The following CENPP variants were observed in gnomAD, a reference collection of about 807,000 sequenced individuals.
CENPP encodes the protein centromere protein P.
Under a neutral mutation model 35.6 loss-of-function variants are expected in CENPP, and 24 were observed. The ratio of observed to expected loss-of-function variants is 0.67; its 90% CI spans 0.49 to 0.95. The LOEUF is 0.95. Ranked by LOEUF, CENPP falls within the 40% of genes least tolerant of loss-of-function variation. The pLI, the probability that CENPP is intolerant of heterozygous loss-of-function variation, is 0.00. For missense variants in CENPP, 332 were observed against 345.3 expected (o/e 0.96, Z 0.31); for synonymous variants, 120 against 125.5 (o/e 0.96, Z 0.29).
chr9:92,547,292 C>G (rs904656698), intron 5 of CENPP, among the ~76,000 whole-genome samples: 3 of 152,228 alleles, frequency 2.0e-5, no homozygotes, highest in African/African-American at 7.2e-5. Context: ...CATGCTTCAA[C>G]TACTAGCTGT....
intron 5 of CENPP, among the ~76,000 whole-genome samples, chr9:92,575,551 C>T (rs1339157588): frequency 1.3e-5 from 2 of 152,132 alleles, no homozygotes; most frequent in African/African-American, 2.4e-5. Context: ...CGGTGGCTCA[C>T]GCCTGTAATC....
intron 5 of CENPP, among the ~76,000 whole-genome samples, chr9:92,410,057 C>T (rs1171480507): frequency 1.3e-5 from 2 of 152,158 alleles, no homozygotes; most frequent in Non-Finnish European, 2.9e-5. Context: ...CTGCTTCAGC[C>T]TCCCAAGTAG....
chr9:92,452,930 G>C (rs1844756396), intron 5 of CENPP, among the ~76,000 whole-genome samples: 1 of 152,030 alleles, frequency 6.6e-6, no homozygotes, highest in Non-Finnish European at 1.5e-5. Context: ...GTATTTCTGT[G>C]GGATCGGTGG....
rs141075013 is a variant in CENPP at position 92,589,454 on chromosome 9, A to T, written c.565-21860A>T. ...AAAATTTGTGTAAGATAAGACCTGCAGGGAAAAAAAAAAATCCAAACCATG... is the reference window on the plus strand; with the variant it reads ...AAAATTTGTGTAAGATAAGACCTGCTGGGAAAAAAAAAAATCCAAACCATG... On this transcript the variant is annotated intron_variant, in intron 5 of 7. Coordinates refer to ENST00000375587, the MANE Select transcript of CENPP (RefSeq NM_001012267.3). Among the ~76,000 whole-genome samples, 896 of 152,208 alleles carry T rather than the reference A, an allele frequency of 5.9e-3. 7 individuals are homozygous for T. The highest frequency in any genetic ancestry group is 0.01 in the Non-Finnish European group (685 of 68,004).
intron 5 of CENPP, among the ~76,000 whole-genome samples, chr9:92,581,117 T>C (rs1380036936): frequency 6.6e-6 from 1 of 152,142 alleles, no homozygotes; most frequent in African/African-American, 2.4e-5. Context: ...CGGTTTTGAG[T>C]GAGATTCTTA....
chr9:92,497,631 A>T (rs1229694752), intron 5 of CENPP, among the ~76,000 whole-genome samples: 3 of 151,888 alleles, frequency 2.0e-5, no homozygotes, highest in Non-Finnish European at 4.4e-5. Context: ...TCTCAAAAAA[A>T]AAAAAAGAAA....
intron 3 of CENPP, among the ~76,000 whole-genome samples, chr9:92,344,830 G>A (rs1339572540): frequency 6.6e-6 from 1 of 150,928 alleles, no homozygotes; most frequent in Non-Finnish European, 1.5e-5. Context: ...TTACAGGCGT[G>A]AGCCACCGCG....
chr9:92,422,362 G>A (rs1377892087), intron 5 of CENPP, among the ~76,000 whole-genome samples: 1 of 152,100 alleles, frequency 6.6e-6, no homozygotes, highest in African/African-American at 2.4e-5. Context: ...TGAAAACTCA[G>A]CTTGAATTTT....
At chr9:92,546,346 T>TGTGGAAGCA (rs1183331816) in intron 5 of CENPP, among the ~76,000 whole-genome samples, 3 of 152,174 alleles carry the variant, frequency 2.0e-5, no homozygotes, top group Non-Finnish European at 2.9e-5. Context: ...CCTTCCACTG[T>TGTGGAAGCA]GTGGAAGCTT....
chr9:92,334,567 A>C (rs1394784850), intron 2 of CENPP, among the ~76,000 whole-genome samples: 1 of 152,050 alleles, frequency 6.6e-6, no homozygotes, highest in Admixed American at 6.6e-5. Context: ...TTAAAAATGC[A>C]CCCTTACTCA....
intron 5 of CENPP, among the ~76,000 whole-genome samples, chr9:92,470,104 T>G (rs1037140677): frequency 6.6e-6 from 1 of 152,156 alleles, no homozygotes; most frequent in Non-Finnish European, 1.5e-5. Flanking sequence ...GCTGGGATTA[T>G]AGGCATGAGC....
At chr9:92,428,412 G>A (rs6479422) in intron 5 of CENPP, among the ~76,000 whole-genome samples, 1 of 151,936 alleles carries the variant, frequency 6.6e-6, no homozygotes, top group Non-Finnish European at 1.5e-5. Flanking sequence ...GAACCTCTGA[G>A]CATGGGCCCA....
At chr9:92,347,467 A>G (rs1841324129) in intron 4 of CENPP, among the ~76,000 whole-genome samples, 1 of 152,250 alleles carries the variant, frequency 6.6e-6, no homozygotes. Context: ...TGCTGAACAT[A>G]GGTCAGAAGA....
intron 5 of CENPP, among the ~76,000 whole-genome samples, chr9:92,533,328 A>AAAAAAAAAAAAAAAAAAAAAAATATATAT (rs1554683138): frequency 2.6e-5 from 1 of 38,332 alleles, no homozygotes; most frequent in Non-Finnish European, 4.3e-5. Flanking sequence ...AAAAAAAAAA[A>AAAAAAAAAAAAAAAAAAAAAAATATATAT]ATATATATAT....
chr9:92,590,218 T>C (rs764922338), intron 5 of CENPP, among the ~76,000 whole-genome samples: 2 of 152,240 alleles, frequency 1.3e-5, no homozygotes, highest in African/African-American at 2.4e-5. Flanking sequence ...CACAACAAAT[T>C]GTTAACTACT....
chr9:92,535,274 G>A (rs1182171798), intron 5 of CENPP, among the ~76,000 whole-genome samples: 2 of 152,002 alleles, frequency 1.3e-5, no homozygotes, highest in African/African-American at 2.4e-5. Context: ...TTAATGCTTA[G>A]GCCCTCATTA....
rs1434468628 is a variant in CENPP at position 92,593,329 on chromosome 9, A to G, written c.565-17985A>G. Among the ~76,000 whole-genome samples, 1 of 152,250 alleles carries G rather than the reference A, an allele frequency of 6.6e-6. No individual in the cohort carries two copies. Among genetic ancestry groups the G allele is most frequent in the Non-Finnish European group, 1.5e-5 (1 of 68,046 alleles). On this transcript the variant is annotated intron_variant, in intron 5 of 7. Coordinates refer to ENST00000375587, the MANE Select transcript of CENPP (RefSeq NM_001012267.3). This position sits in a 1 kb window ranked among gnomAD's most constrained non-coding sequence, Gnocchi z 4.1. Reference sequence around the variant, plus strand: ...GCATCACACACAGGAGATACTCCATAATATCATTTTGAATGAATGAATGAG... The same window carrying G: ...GCATCACACACAGGAGATACTCCATGATATCATTTTGAATGAATGAATGAG...
intron 5 of CENPP, among the ~76,000 whole-genome samples, chr9:92,409,889 G>A (rs972007946): frequency 2.6e-5 from 4 of 152,022 alleles, no homozygotes; most frequent in Admixed American, 6.6e-5. Context: ...ATTCTTCATC[G>A]TCTCCCAGGG....
At chr9:92,339,375 G>A (rs1841034376) in intron 3 of CENPP, among the ~76,000 whole-genome samples, 1 of 152,130 alleles carries the variant, frequency 6.6e-6, no homozygotes, top group African/African-American at 2.4e-5. Flanking sequence ...CTAGTCCCAA[G>A]GATTTGGTAC....
Sources: allele counts gnomAD v4.1 joint callset (sites outside exome capture counted in the v4.1 genomes callset), GRCh38; gene constraint gnomAD v4.1.1; non-coding constraint Gnocchi (gnomAD v3.1); transcripts MANE v1.5; gene names NCBI Gene and HGNC (gene_info 2026-07-23, HGNC 2026-07-21).